NR6A1: variants seen among roughly 807,000 people sequenced by gnomAD.
The protein encoded by NR6A1 is nuclear receptor subfamily 6 group A member 1, also known as retinoic acid receptor-related testis-associated receptor.
Under a neutral mutation model 59.1 loss-of-function variants are expected in NR6A1, and 7 were observed. That is an observed-to-expected ratio of 0.12 (90% confidence interval 0.07 to 0.22). The LOEUF is 0.22. Among genes scored for constraint, NR6A1 ranks in the 10% least tolerant of loss-of-function variants. The probability of loss-of-function intolerance (pLI) is 1.00; values close to 1 mark genes in which losing one functional copy is unlikely to be tolerated. For missense variants in NR6A1, 468 were observed against 611.6 expected, an observed-to-expected ratio of 0.77 and a Z score of 2.48; for synonymous variants, 243 against 236.1, an observed-to-expected ratio of 1.03 and a Z score of -0.27.
chr9:124,669,287 AT>A (rs1385936311), intron 2 of NR6A1, among the ~76,000 whole-genome samples: 1 of 152,268 alleles, frequency 6.6e-6, no homozygotes, highest in African/African-American at 2.4e-5. Flanking sequence ...AGTATTAAAT[AT>A]GGATATATAC....
At chr9:124,535,594 T>A (rs1033200365) in intron 7 of NR6A1, among the ~76,000 whole-genome samples, 18 of 151,922 alleles carry the variant, frequency 1.2e-4, no homozygotes, top group South Asian at 2.1e-4. Context: ...TAAATTAATT[T>A]AAAAAAAATT....
At chr9:124,535,755 G>T (rs922041958) in intron 7 of NR6A1, 123 bp downstream of exon 7, 3 of 1,220,928 alleles carry the variant, frequency 2.5e-6, no homozygotes, top group Non-Finnish European at 3.5e-6. Context: ...GTGGCAGAGT[G>T]AGGATTCAAA....
chr9:124,523,474 C>T (rs943040042), intron 9 of NR6A1, among the ~76,000 whole-genome samples: 2 of 152,012 alleles, frequency 1.3e-5, no homozygotes, highest in African/African-American at 4.8e-5. Flanking sequence ...GGCTCTACCC[C>T]ATTCCAATTA....
Position 124,520,314 on chromosome 9 carries a change from G to A in NR6A1, c.*2391C>T, listed in dbSNP as rs1832774166. Reference sequence around the variant, plus strand: ...GGTCCACAGGTCAGGCTCCGGCTCGGAACACACAGCCACTTTGCTCTGAGA... The same window carrying A: ...GGTCCACAGGTCAGGCTCCGGCTCGAAACACACAGCCACTTTGCTCTGAGA... On this transcript the variant is annotated 3_prime_UTR_variant, in exon 10 of 10. Coordinates refer to ENST00000487099, the MANE Select transcript of NR6A1 (RefSeq NM_033334.4). 6.6e-6 allele frequency: 1 copy of A among 152,200 alleles called. No homozygotes were observed. Among genetic ancestry groups the A allele is most frequent in the Admixed American group, 6.5e-5 (1 of 15,280 alleles). 9.4% of individuals were successfully genotyped at this position (152,200 alleles called of 1,614,324 possible).
chr9:124,634,081 T>G (rs1836526121), intron 2 of NR6A1, among the ~76,000 whole-genome samples: 2 of 152,240 alleles, frequency 1.3e-5, no homozygotes, highest in Non-Finnish European at 2.9e-5. Context: ...GAATTGTATT[T>G]GTATAGTCAG....
At chr9:124,748,728 G>A (rs140179129) in intron 1 of NR6A1, among the ~76,000 whole-genome samples, 2,695 of 152,054 alleles carry the variant, frequency 0.018, 82 homozygotes, top group African/African-American at 0.061. Context: ...AGCCAGGCGC[G>A]GTGGCAGGCG....
chr9:124,596,447 A>G (rs1178508826), intron 2 of NR6A1, among the ~76,000 whole-genome samples: 1 of 152,184 alleles, frequency 6.6e-6, no homozygotes, highest in East Asian at 1.9e-4. Context: ...CTAGCCCTTC[A>G]TTTCCATGCT....
At chr9:124,676,386 C>A (rs139806875) in intron 2 of NR6A1, among the ~76,000 whole-genome samples, 13 of 152,124 alleles carry the variant, frequency 8.5e-5, no homozygotes, top group Non-Finnish European at 1.5e-4. Context: ...GGGCCCCGTA[C>A]CAAGCTGGCA....
At chr9:124,749,910 A>G (rs1341581245) in intron 1 of NR6A1, among the ~76,000 whole-genome samples, 1 of 152,252 alleles carries the variant, frequency 6.6e-6, no homozygotes, top group African/African-American at 2.4e-5. Context: ...CCCACAGCTC[A>G]ACTGGACTTC....
chr9:124,588,642 C>T (rs1364776356), intron 2 of NR6A1, among the ~76,000 whole-genome samples: 8 of 146,600 alleles, frequency 5.5e-5, no homozygotes, highest in Admixed American at 3.4e-4. Context: ...GTTCCTGGCC[C>T]GGCGTGGTGG....
chr9:124,665,008 TCCAAAAA>T (rs1223104390), intron 2 of NR6A1, among the ~76,000 whole-genome samples: 119 of 24,674 alleles, frequency 4.8e-3, no homozygotes, highest in African/African-American at 0.012. Context: ...TCCTTGTATC[TCCAAAAA>T]AAAAAAAAAA....
At chr9:124,582,310 T>C (rs374824998) in intron 2 of NR6A1, among the ~76,000 whole-genome samples, 1 of 152,004 alleles carries the variant, frequency 6.6e-6, no homozygotes, top group South Asian at 2.1e-4. Flanking sequence ...CAAACTAACA[T>C]GCGAACAGAA....
chr9:124,695,097 C>G (rs1838701787), intron 2 of NR6A1, among the ~76,000 whole-genome samples: 1 of 152,214 alleles, frequency 6.6e-6, no homozygotes, highest in Non-Finnish European at 1.5e-5. Flanking sequence ...CATCCCACCA[C>G]CACATTTCAT....
chr9:124,736,323 A>C (rs1840019099), intron 1 of NR6A1, among the ~76,000 whole-genome samples: 1 of 152,216 alleles, frequency 6.6e-6, no homozygotes, highest in Admixed American at 6.5e-5. Flanking sequence ...TAAATGATCA[A>C]ACAAAAATAG....
chr9:124,545,262 A>C (rs1833564537), intron 3 of NR6A1, among the ~76,000 whole-genome samples: 1 of 152,252 alleles, frequency 6.6e-6, no homozygotes, highest in African/African-American at 2.4e-5. Flanking sequence ...ATTACATAAA[A>C]TGGTATGGAT....
At chr9:124,686,796 T>C (rs1360174671) in intron 2 of NR6A1, among the ~76,000 whole-genome samples, 3 of 151,192 alleles carry the variant, frequency 2.0e-5, no homozygotes, top group Non-Finnish European at 4.4e-5. Context: ...CTCAACCTCC[T>C]GGGTTCAACT....
chr9:124,544,937 A>G (rs922455196), intron 3 of NR6A1, among the ~76,000 whole-genome samples: 12 of 152,226 alleles, frequency 7.9e-5, no homozygotes, highest in African/African-American at 2.7e-4. Context: ...AATGTTAACA[A>G]TGACAGAAGA....
At chr9:124,740,610 A>C (rs1477196635) in intron 1 of NR6A1, among the ~76,000 whole-genome samples, 1 of 152,178 alleles carries the variant, frequency 6.6e-6, no homozygotes, top group Non-Finnish European at 1.5e-5. Flanking sequence ...CATGATCAGG[A>C]CCACTAGAAC....
chr9:124,625,261 G>T (rs751782506), intron 2 of NR6A1, among the ~76,000 whole-genome samples: 1 of 152,132 alleles, frequency 6.6e-6, no homozygotes, highest in African/African-American at 2.4e-5. Flanking sequence ...CTTTACTCTG[G>T]TAACCTCACA....
Sources: gnomAD v4.1 joint callset for allele counts (sites outside exome capture counted in the v4.1 genomes callset) on GRCh38, gnomAD v4.1.1 for gene constraint, MANE v1.5 for transcripts, NCBI Gene and HGNC (gene_info 2026-07-23, HGNC 2026-07-21) for gene names.